Variants in RANBP2 observed in about 807,000 individuals in gnomAD.
RANBP2 encodes RAN binding protein 2.
RANBP2 carries 57 observed loss-of-function variants against 303.6 expected under a neutral mutation model. The ratio of observed to expected loss-of-function variants is 0.19; its 90% CI spans 0.15 to 0.23. The LOEUF (loss-of-function observed/expected upper bound fraction) is 0.23, where lower values mean the gene tolerates loss of function less well. RANBP2 is among the 10% of genes least tolerant of loss of function. RANBP2 has a pLI of 1.00. For missense variants in RANBP2, 3,138 were observed against 3,780.8 expected (o/e 0.83, Z 4.46); for synonymous variants, 1,167 against 1,301.5 (o/e 0.90, Z 2.23).
At chr2:109,355,095 A>G in the RANBP2 span, among the ~76,000 whole-genome samples, 2 of 152,240 alleles carry the variant, frequency 1.3e-5, no homozygotes, top group Non-Finnish European at 1.5e-5. Flanking sequence ...AGCCACTGCC[A>G]TATGGTAACG....
the RANBP2 span, among the ~76,000 whole-genome samples, chr2:109,083,358 C>T: frequency 6.6e-6 from 1 of 152,126 alleles, no homozygotes; most frequent in African/African-American, 2.4e-5. Context: ...AACTTGTCTT[C>T]CCTAAGTACC....
At chr2:109,563,286 T>G in the RANBP2 span, among the ~76,000 whole-genome samples, 1 of 152,172 alleles carries the variant, frequency 6.6e-6, no homozygotes, top group Non-Finnish European at 1.5e-5. Context: ...ACTGAAGAAA[T>G]TTAAAAATTT....
At chr2:109,696,324 T>A in the RANBP2 span, among the ~76,000 whole-genome samples, 2 of 152,252 alleles carry the variant, frequency 1.3e-5, no homozygotes, top group African/African-American at 4.8e-5. Flanking sequence ...TATCTGATAT[T>A]TAGGTCTATG....
At chr2:109,703,170 A>G in the RANBP2 span, among the ~76,000 whole-genome samples, 1 of 152,192 alleles carries the variant, frequency 6.6e-6, no homozygotes, top group African/African-American at 2.4e-5. Context: ...TTAAGGTCCA[A>G]ATGTTTAAAA....
At chr2:108,913,232 A>T in the RANBP2 span, among the ~76,000 whole-genome samples, 2 of 152,094 alleles carry the variant, frequency 1.3e-5, no homozygotes, top group East Asian at 3.9e-4. Flanking sequence ...TACAGGCATG[A>T]GCCACCGCGC....
chr2:109,081,990 T>C, the RANBP2 span, among the ~76,000 whole-genome samples: 6 of 152,358 alleles, frequency 3.9e-5, no homozygotes, highest in East Asian at 1.2e-3. Flanking sequence ...CCTGGCTTTG[T>C]GTGGGGCATG....
chr2:109,457,336 A>G, the RANBP2 span, among the ~76,000 whole-genome samples: 3 of 152,244 alleles, frequency 2.0e-5, no homozygotes. Flanking sequence ...TGTTATATGA[A>G]CAATGAAGGG....
chr2:108,945,974 G>A, the RANBP2 span, among the ~76,000 whole-genome samples: 2 of 152,156 alleles, frequency 1.3e-5, no homozygotes, highest in East Asian at 1.9e-4. Context: ...ATAAAAGACA[G>A]TTCAAGCAAA....
chr2:108,746,777 T>C lies in RANBP2; in HGVS notation c.1042T>C (p.Cys348Arg). ...AGQNLLEMMA[C>R]DRLSQSGHML... ...ACAAAATCTGCTGGAAATGATGGCC[T>C]GTGACCGACTGAGCCAATCAGGTAA... The change falls in exon 8 of 29, where the codon TGT (cysteine) becomes CGT (arginine). Residue 348 changes from cysteine (C) to arginine (R), a missense_variant. Coordinates refer to ENST00000283195, the MANE Select transcript of RANBP2 (RefSeq NM_006267.5). 1 of 1,387,886 alleles carries C rather than the reference T, an allele frequency of 7.2e-7. No homozygotes were observed. Among genetic ancestry groups the C allele is most frequent in the Non-Finnish European group, 9.8e-7 (1 of 1,025,114 alleles). 86.0% of individuals were successfully genotyped at this position (1,387,886 alleles called of 1,614,324 possible). A position where few individuals can be genotyped will look rare whatever the true frequency, so the allele number is the denominator to read the frequency against.
the RANBP2 span, among the ~76,000 whole-genome samples, chr2:109,291,415 T>C: frequency 6.6e-6 from 1 of 152,130 alleles, no homozygotes; most frequent in Non-Finnish European, 1.5e-5. Flanking sequence ...TGCATCTCAG[T>C]TCCTGCAATC....
chr2:109,124,127 C>T, the RANBP2 span, among the ~76,000 whole-genome samples: 1 of 152,034 alleles, frequency 6.6e-6, no homozygotes, highest in East Asian at 1.9e-4. Flanking sequence ...TCTCATGCCT[C>T]AGTCTCCTGA....
At chr2:108,963,282 C>A in the RANBP2 span, among the ~76,000 whole-genome samples, 111,102 of 152,108 alleles carry the variant, frequency 0.73, 45,438 homozygotes, top group Non-Finnish European at 0.94. Flanking sequence ...ACGCACTACA[C>A]ACTGTTAAAC....
the RANBP2 span, among the ~76,000 whole-genome samples, chr2:109,393,455 C>A: frequency 6.6e-6 from 1 of 152,184 alleles, no homozygotes; most frequent in South Asian, 2.1e-4. Flanking sequence ...GTGAAGGATC[C>A]CCAGGTCGTT....
At chr2:109,341,782 C>G in the RANBP2 span, among the ~76,000 whole-genome samples, 2 of 152,116 alleles carry the variant, frequency 1.3e-5, no homozygotes, top group African/African-American at 2.4e-5. Flanking sequence ...AAAACATGCT[C>G]CAGAATGTGC....
chr2:109,008,141 G>A, the RANBP2 span, among the ~76,000 whole-genome samples: 28 of 152,264 alleles, frequency 1.8e-4, no homozygotes, highest in African/African-American at 5.8e-4. Context: ...CATTCCTTTG[G>A]AAACCTCATG....
chr2:108,821,928 C>CA, the RANBP2 span, among the ~76,000 whole-genome samples: 94,839 of 130,746 alleles, frequency 0.73, 33,400 homozygotes, highest in East Asian at 0.89. Flanking sequence ...AACTTTGTCT[C>CA]AAAAAAAAAA....
At chr2:109,018,886 A>G in the RANBP2 span, among the ~76,000 whole-genome samples, 1 of 152,256 alleles carries the variant, frequency 6.6e-6, no homozygotes, top group Non-Finnish European at 1.5e-5. Flanking sequence ...GAGGAGAGTA[A>G]GTGTTTGCTC....
the RANBP2 span, among the ~76,000 whole-genome samples, chr2:109,091,841 T>C: frequency 7.2e-5 from 11 of 152,292 alleles, no homozygotes; most frequent in East Asian, 2.1e-3. Context: ...AGGGTATCTG[T>C]CTGTAACCTC....
the RANBP2 span, among the ~76,000 whole-genome samples, chr2:109,045,493 AGGGTTAGGACAGCGACCGCTCCCTCATG>A: frequency 2.0e-5 from 3 of 152,138 alleles, no homozygotes; most frequent in African/African-American, 7.2e-5. Flanking sequence ...AAGAGACTGG[AGGGTTAGGACAGCGACCGCTCCCTCATG>A]GGGAAAGGAG....
Sources: gnomAD v4.1 joint callset for allele counts (sites outside exome capture counted in the v4.1 genomes callset) on GRCh38, gnomAD v4.1.1 for gene constraint, MANE v1.5 for transcripts, NCBI Gene and HGNC (gene_info 2026-07-23, HGNC 2026-07-21) for gene names.